The following EPHB1 variants were observed in gnomAD, a reference collection of about 807,000 sequenced individuals.
EPHB1 encodes EPH receptor B1.
Under a neutral mutation model 94.4 loss-of-function variants are expected in EPHB1, and 30 were observed. That is an observed-to-expected ratio of 0.32 (90% CI 0.24 to 0.43). EPHB1 has a LOEUF of 0.43. EPHB1 is among the 20% of genes least tolerant of loss of function. The probability of loss-of-function intolerance (pLI) is 1.00; values close to 1 mark genes in which losing one functional copy is unlikely to be tolerated. For missense variants in EPHB1, 1,055 were observed against 1,308.3 expected, an observed-to-expected ratio of 0.81 and a Z score of 2.99; for synonymous variants, 522 against 489.1, an observed-to-expected ratio of 1.07 and a Z score of -0.89.
At chr3:135,217,283 C>T (rs769714538) in intron 12 of EPHB1, among the ~76,000 whole-genome samples, 13 of 152,152 alleles carry the variant, frequency 8.5e-5, no homozygotes, top group Non-Finnish European at 1.2e-4. Flanking sequence ...ACTGCCCAGA[C>T]ATTGCCGCTC....
Position 135,106,571 on chromosome 3 carries a change from C to A in EPHB1, c.929C>A (p.Ala310Glu). The change falls in exon 4 of 16, where the codon GCG (alanine) becomes GAG (glutamate). Residue 310 changes from alanine (A) to glutamate (E), a missense_variant. By Grantham distance (107) the Ala-to-Glu change is moderately radical. Transcript: ENST00000398015. ...ACCTGTCGGACCGGTTATTACCGAGCGGACTTTGACCCTCCAGAAGTGGCA... is the reference window on the plus strand; with the variant it reads ...ACCTGTCGGACCGGTTATTACCGAGAGGACTTTGACCCTCCAGAAGTGGCA... ...ICTCRTGYYR[A>E]DFDPPEVACT... 3 of 1,614,032 alleles carry A rather than the reference C, an allele frequency of 1.9e-6. No individual in the cohort carries two copies. Among genetic ancestry groups the A allele is most frequent in the Non-Finnish European group, 2.5e-6 (3 of 1,179,900 alleles).
At chr3:134,811,330 C>T (rs1162313183) in intron 1 of EPHB1, among the ~76,000 whole-genome samples, 1 of 137,584 alleles carries the variant, frequency 7.3e-6, no homozygotes, top group Non-Finnish European at 1.5e-5. Flanking sequence ...ACTCTGCCTC[C>T]CAAGTTCAAG....
At chr3:135,164,535 A>C (rs1390658619) in intron 7 of EPHB1, among the ~76,000 whole-genome samples, 1 of 152,176 alleles carries the variant, frequency 6.6e-6, no homozygotes, top group Non-Finnish European at 1.5e-5. Flanking sequence ...GTCAGTGGGC[A>C]TGGTGGCTCA....
At chr3:135,133,616 G>A (rs989666511) in intron 5 of EPHB1, among the ~76,000 whole-genome samples, 2 of 152,212 alleles carry the variant, frequency 1.3e-5, no homozygotes, top group Non-Finnish European at 2.9e-5. Context: ...TAGTTCAAAA[G>A]TGTATTCTCC....
intron 7 of EPHB1, among the ~76,000 whole-genome samples, chr3:135,163,747 A>G (rs1436811501): frequency 6.6e-5 from 10 of 152,254 alleles, no homozygotes; most frequent in Non-Finnish European, 1.5e-4. Flanking sequence ...TACATTTGGC[A>G]GTTAAGTTTT....
At chr3:134,956,226 G>C (rs1411652722) in intron 3 of EPHB1, among the ~76,000 whole-genome samples, 1 of 152,034 alleles carries the variant, frequency 6.6e-6, no homozygotes, top group Non-Finnish European at 1.5e-5. Flanking sequence ...AGATATGACT[G>C]TCATATCTTC....
intron 3 of EPHB1, among the ~76,000 whole-genome samples, chr3:134,958,581 G>A (rs1007961407): frequency 4.6e-5 from 7 of 152,134 alleles, no homozygotes; most frequent in African/African-American, 1.2e-4. Context: ...CAGGGAGACC[G>A]GCTGTGTTCA....
chr3:134,912,762 G>T (rs1326459795), intron 1 of EPHB1, among the ~76,000 whole-genome samples: 1 of 152,236 alleles, frequency 6.6e-6, no homozygotes, highest in Non-Finnish European at 1.5e-5. Flanking sequence ...GGTCTGGCCA[G>T]TTTGGCTCCT....
intron 3 of EPHB1, among the ~76,000 whole-genome samples, chr3:134,977,493 A>T (rs1934234175): frequency 6.6e-6 from 1 of 152,214 alleles, no homozygotes; most frequent in Non-Finnish European, 1.5e-5. Flanking sequence ...ACTTTCCTTC[A>T]GTGGCCAGGA....
intron 12 of EPHB1, among the ~76,000 whole-genome samples, chr3:135,236,836 A>G (rs980624686): frequency 8.5e-5 from 13 of 152,254 alleles, no homozygotes; most frequent in African/African-American, 3.1e-4. Flanking sequence ...GCCCAGACAC[A>G]TAGAAGTGCT....
intron 2 of EPHB1, among the ~76,000 whole-genome samples, chr3:134,932,270 A>T (rs2038920922): frequency 6.6e-6 from 1 of 152,134 alleles, no homozygotes; most frequent in South Asian, 2.1e-4. Context: ...GGCTGAATGC[A>T]CAGCTGCTGC....
In EPHB1 at chr3:135,259,033, C is replaced by A. The variant is rs1933537357; in HGVS notation, c.2868C>A (p.Ile956=). Reference sequence around the variant, plus strand: ...CTAGAGACCTCCTGAGAATAGGCATCACCTTGGCAGGCCATCAGAAGAAGA... The same window carrying A: ...CTAGAGACCTCCTGAGAATAGGCATAACCTTGGCAGGCCATCAGAAGAAGA... ...MTSEDLLRIG[I]TLAGHQKKIL... The change falls in exon 16 of 16, where the codon ATC becomes ATA. Residue 956 remains isoleucine, a synonymous_variant. Coordinates refer to ENST00000398015, the MANE Select transcript of EPHB1 (RefSeq NM_004441.5). 6.2e-7 allele frequency: 1 copy of A among 1,608,906 alleles called. No homozygotes were observed. The highest frequency in any genetic ancestry group is 1.7e-5 in the Admixed American group (1 of 59,466).
chr3:135,177,666 A>G (rs1170446029), intron 9 of EPHB1, among the ~76,000 whole-genome samples: 1 of 152,002 alleles, frequency 6.6e-6, no homozygotes, highest in Non-Finnish European at 1.5e-5. Context: ...TTCCCTTCTC[A>G]TCTCAGGTAC....
At chr3:135,026,773 G>T (rs1417287332) in intron 3 of EPHB1, among the ~76,000 whole-genome samples, 1 of 139,616 alleles carries the variant, frequency 7.2e-6, no homozygotes, top group Non-Finnish European at 1.6e-5. Flanking sequence ...AGCTTGATGG[G>T]GATGGCATTG....
rs2107731362 is a variant in EPHB1 at position 135,248,476 on chromosome 3, C to A, written c.2657C>A (p.Ala886Glu). 6.2e-7 allele frequency: 1 copy of A among 1,611,806 alleles called. No individual in the cohort carries two copies. The highest frequency in any genetic ancestry group is 8.5e-7 in the Non-Finnish European group (1 of 1,178,606). The change falls in exon 14 of 16, where the codon GCA (alanine) becomes GAA (glutamate). Residue 886 changes from alanine to glutamate, a missense_variant. By Grantham distance (107) the Ala-to-Glu change is moderately radical. Transcript: ENST00000398015. ...CTAGATAAGATGATCCGGAACCCGG[C>A]AAGTCTCAAGACTGTGGCAACCATC... ...NTLDKMIRNPASLKTVATITA... is the reference protein window; with the variant it reads ...NTLDKMIRNPESLKTVATITA...
chr3:135,009,365 C>T (rs750269983), intron 3 of EPHB1, among the ~76,000 whole-genome samples: 36 of 152,172 alleles, frequency 2.4e-4, no homozygotes, highest in Non-Finnish European at 4.0e-4. Context: ...GGGTCTGGCT[C>T]AGAAAGTCAT....
At chr3:135,257,912 GT>G (rs1442304962) in intron 15 of EPHB1, among the ~76,000 whole-genome samples, 1 of 152,200 alleles carries the variant, frequency 6.6e-6, no homozygotes, top group African/African-American at 2.4e-5. Context: ...ATATAATCTC[GT>G]GGTGCGCCGT....
intron 15 of EPHB1, among the ~76,000 whole-genome samples, chr3:135,257,543 C>T (rs1380284623): frequency 6.6e-6 from 1 of 152,116 alleles, no homozygotes; most frequent in Admixed American, 6.6e-5. Context: ...GGTCAGGGGT[C>T]AGGGACCCAC....
chr3:134,916,434 G>A (rs36200), intron 1 of EPHB1, among the ~76,000 whole-genome samples: 57,958 of 152,134 alleles, frequency 0.38, 12,390 homozygotes, highest in African/African-American at 0.55. Flanking sequence ...GGCTCAGGCC[G>A]TGCAGGAGCC....
Sources: allele counts gnomAD v4.1 joint callset (sites outside exome capture counted in the v4.1 genomes callset), GRCh38; gene constraint gnomAD v4.1.1; transcripts MANE v1.5; gene names NCBI Gene and HGNC (gene_info 2026-07-23, HGNC 2026-07-21).